The following ERC2 variants were observed in gnomAD, a reference collection of about 807,000 sequenced individuals.
ERC2 encodes the protein ERC protein 2.
ERC2 carries 42 observed loss-of-function variants against 114.8 expected under a neutral mutation model. The ratio of observed to expected loss-of-function variants is 0.37; its 90% confidence interval spans 0.29 to 0.47. The LOEUF (loss-of-function observed/expected upper bound fraction) is 0.47. Among genes scored for constraint, ERC2 ranks in the 20% least tolerant of loss-of-function variants. The pLI, the probability that ERC2 is intolerant of heterozygous loss-of-function variation, is 0.99. For synonymous variants in ERC2, 454 were observed against 425.5 expected (o/e 1.07, Z -0.82); for missense variants, 939 against 1,150.7 (o/e 0.82, Z 2.66).
intron 17 of ERC2, among the ~76,000 whole-genome samples, chr3:55,642,851 A>T (rs973197073): frequency 6.6e-6 from 1 of 152,194 alleles, no homozygotes. Flanking sequence ...ATGAGGGGCA[A>T]TATTTTCCTT....
intron 4 of ERC2, among the ~76,000 whole-genome samples, chr3:56,149,693 TA>T (rs1229593623): frequency 6.6e-6 from 1 of 152,170 alleles, no homozygotes; most frequent in African/African-American, 2.4e-5. Flanking sequence ...ACTGATACAC[TA>T]AATATTGAAA....
chr3:56,041,270 T>C (rs1356742617), intron 7 of ERC2, among the ~76,000 whole-genome samples: 2 of 152,136 alleles, frequency 1.3e-5, no homozygotes, highest in Non-Finnish European at 2.9e-5. Flanking sequence ...TGGTTTAGCA[T>C]AGTAGTTCAG....
intron 2 of ERC2, 127 bp downstream of exon 2, chr3:56,434,224 A>C (rs1278442220): frequency 1.3e-6 from 1 of 757,200 alleles, no homozygotes; most frequent in African/African-American, 1.8e-5. Flanking sequence ...AGTCAAACAC[A>C]TACTAAGCCA....
chr3:56,059,646 T>C (rs2076167880), intron 7 of ERC2, among the ~76,000 whole-genome samples: 1 of 152,218 alleles, frequency 6.6e-6, no homozygotes, highest in South Asian at 2.1e-4. Flanking sequence ...TTAAGTCTTT[T>C]ATCTTAAATC....
At chr3:56,156,141 G>C (rs1435187847) in intron 4 of ERC2, among the ~76,000 whole-genome samples, 1 of 152,168 alleles carries the variant, frequency 6.6e-6, no homozygotes, top group Non-Finnish European at 1.5e-5. Context: ...CTCAGACATA[G>C]TTGAGAATCA....
chr3:56,153,918 G>A (rs2081561621), intron 4 of ERC2, among the ~76,000 whole-genome samples: 1 of 152,180 alleles, frequency 6.6e-6, no homozygotes. Context: ...ATTGGTCTAC[G>A]GACATTGATC....
chr3:56,277,418 C>T (rs985226074), intron 3 of ERC2, among the ~76,000 whole-genome samples: 6 of 152,086 alleles, frequency 3.9e-5, no homozygotes, highest in Admixed American at 3.9e-4. Flanking sequence ...TTTTCAAATG[C>T]CAAACATTCC....
intron 7 of ERC2, among the ~76,000 whole-genome samples, chr3:56,042,261 A>C (rs1189570719): frequency 6.6e-6 from 1 of 152,250 alleles, no homozygotes; most frequent in African/African-American, 2.4e-5. Context: ...CAAATGACAT[A>C]AAGCTACATG....
chr3:55,933,035 C>T (rs978677447), intron 13 of ERC2, among the ~76,000 whole-genome samples: 6 of 152,132 alleles, frequency 3.9e-5, no homozygotes, highest in African/African-American at 1.4e-4. Flanking sequence ...AAGGTGAAAC[C>T]TTGCCTCTAC....
intron 7 of ERC2, among the ~76,000 whole-genome samples, chr3:56,068,465 T>C (rs2076580794): frequency 6.6e-6 from 1 of 152,084 alleles, no homozygotes; most frequent in African/African-American, 2.4e-5. Flanking sequence ...GTCCATTTTA[T>C]TTATTTATTT....
At chr3:56,042,845 A>G (rs2075267980) in intron 7 of ERC2, among the ~76,000 whole-genome samples, 1 of 152,226 alleles carries the variant, frequency 6.6e-6, no homozygotes, top group South Asian at 2.1e-4. Flanking sequence ...CCAAATGGTA[A>G]GGAATTTTGT....
At chr3:56,237,397 G>A (rs1306067858) in intron 3 of ERC2, among the ~76,000 whole-genome samples, 1 of 152,006 alleles carries the variant, frequency 6.6e-6, no homozygotes, top group Non-Finnish European at 1.5e-5. Context: ...TATTTTTCAG[G>A]TGCCACCATG....
chr3:55,540,801 C>G (rs533062798), intron 17 of ERC2, among the ~76,000 whole-genome samples: 1 of 152,196 alleles, frequency 6.6e-6, no homozygotes, highest in Non-Finnish European at 1.5e-5. Context: ...AAGGTCAGTT[C>G]GGACCGGCAC....
chr3:55,595,773 T>C (rs1460943817), intron 17 of ERC2, among the ~76,000 whole-genome samples: 1 of 152,166 alleles, frequency 6.6e-6, no homozygotes, highest in African/African-American at 2.4e-5. Context: ...AGAAACCAAG[T>C]GGATCTTTGC....
chr3:55,714,989 T>C (rs1429290957), intron 15 of ERC2, among the ~76,000 whole-genome samples: 2 of 152,088 alleles, frequency 1.3e-5, no homozygotes, highest in African/African-American at 2.4e-5. Context: ...CTTTGGAGAA[T>C]TGAGACTCCT....
chr3:56,222,221 T>G (rs2049958747), intron 3 of ERC2, among the ~76,000 whole-genome samples: 1 of 152,218 alleles, frequency 6.6e-6, no homozygotes, highest in African/African-American at 2.4e-5. Flanking sequence ...TGAGATATAC[T>G]GGTTGGAAGG....
chr3:56,434,988 GT>G lies in ERC2; in HGVS notation c.19del (p.Thr7GlnfsTer58). 1 of 1,610,398 alleles carries G rather than the reference GT, an allele frequency of 6.2e-7. No homozygotes were observed. The highest frequency in any genetic ancestry group is 8.5e-7 in the Non-Finnish European group (1 of 1,179,470). On this transcript the variant is annotated frameshift_variant, in exon 2 of 18. Coordinates refer to ENST00000288221, the MANE Select transcript of ERC2 (RefSeq NM_015576.3). LOFTEE classifies it high-confidence loss of function. MYGSAR[T>X]ITNLEGSPSR... ...AGGGCTACCTTCCAGATTGGTGATTGTTCTTGCACTTCCATACATTTTTCTT... is the reference window on the plus strand; with the variant it reads ...AGGGCTACCTTCCAGATTGGTGATTGTCTTGCACTTCCATACATTTTTCTT...
chr3:56,148,517 C>A (rs1185488535), intron 5 of ERC2, among the ~76,000 whole-genome samples: 2 of 152,154 alleles, frequency 1.3e-5, no homozygotes, highest in Non-Finnish European at 2.9e-5. Context: ...GAACTCCTGA[C>A]CTCAGCTGAT....
At chr3:56,223,006 A>T (rs1212442038) in intron 3 of ERC2, among the ~76,000 whole-genome samples, 1 of 152,184 alleles carries the variant, frequency 6.6e-6, no homozygotes, top group Non-Finnish European at 1.5e-5. Context: ...GGGAGCAGCC[A>T]TCCCCAGCTG....
Sources: gnomAD v4.1 joint callset for allele counts (sites outside exome capture counted in the v4.1 genomes callset) on GRCh38, gnomAD v4.1.1 for gene constraint, MANE v1.5 for transcripts, NCBI Gene and HGNC (gene_info 2026-07-23, HGNC 2026-07-21) for gene names.